Variants in RNF180 observed in about 807,000 individuals in gnomAD.
RNF180 encodes E3 ubiquitin-protein ligase RNF180.
A neutral mutation model predicts 59.2 loss-of-function variants in RNF180; 38 were observed. That is an observed-to-expected ratio of 0.64 (90% confidence interval 0.50 to 0.84). The LOEUF is 0.84. Among genes scored for constraint, RNF180 ranks in the 40% least tolerant of loss-of-function variants. RNF180 has a pLI of 0.00. For synonymous variants in RNF180, 262 were observed against 240.3 expected, an observed-to-expected ratio of 1.09 and a Z score of -0.84; for missense variants, 705 against 700.9, an observed-to-expected ratio of 1.01 and a Z score of -0.07.
intron 2 of RNF180, among the ~76,000 whole-genome samples, chr5:64,211,841 A>C (rs1752327457): frequency 6.6e-6 from 1 of 152,164 alleles, no homozygotes; most frequent in Non-Finnish European, 1.5e-5. Context: ...AATGAGATGG[A>C]AGGGCTTTGT....
chr5:64,240,006 A>G (rs967164690), intron 5 of RNF180, among the ~76,000 whole-genome samples: 3 of 152,278 alleles, frequency 2.0e-5, no homozygotes, highest in African/African-American at 7.2e-5. Flanking sequence ...GGGTTTGAAC[A>G]TATTTTCAGA....
chr5:64,276,371 A>G (rs1356899257), intron 5 of RNF180, among the ~76,000 whole-genome samples: 2 of 111,826 alleles, frequency 1.8e-5, no homozygotes, highest in Non-Finnish European at 1.8e-5. Context: ...CAAAAACCAC[A>G]TTGGTGTGTG....
intron 5 of RNF180, among the ~76,000 whole-genome samples, chr5:64,228,439 G>A (rs1464910089): frequency 1.3e-5 from 2 of 152,208 alleles, no homozygotes; most frequent in South Asian, 2.1e-4. Context: ...GCTTGAGTCC[G>A]GGAGGTTGAG....
At chr5:64,349,752 A>G (rs1745713289) in intron 7 of RNF180, among the ~76,000 whole-genome samples, 1 of 152,080 alleles carries the variant, frequency 6.6e-6, no homozygotes, top group South Asian at 2.1e-4. Context: ...CCATGTCCCT[A>G]CAAAGGACGT....
At chr5:64,251,514 C>G (rs1253617894) in intron 5 of RNF180, among the ~76,000 whole-genome samples, 1 of 152,148 alleles carries the variant, frequency 6.6e-6, no homozygotes, top group Non-Finnish European at 1.5e-5. Flanking sequence ...CCTGAAACTC[C>G]TGGGCTCGAG....
intron 1 of RNF180, among the ~76,000 whole-genome samples, chr5:64,198,707 A>G (rs1277396528): frequency 1.3e-5 from 2 of 152,196 alleles, no homozygotes; most frequent in African/African-American, 4.8e-5. Flanking sequence ...GGAGATGAAG[A>G]TAAAAGAGGC....
intron 5 of RNF180, among the ~76,000 whole-genome samples, chr5:64,306,292 TTGA>T (rs1233852679): frequency 6.6e-6 from 1 of 151,670 alleles, no homozygotes; most frequent in African/African-American, 2.4e-5. Context: ...TATTATACTG[TTGA>T]TGATATCACA....
intron 5 of RNF180, among the ~76,000 whole-genome samples, chr5:64,323,829 T>G (rs1744493251): frequency 6.6e-6 from 1 of 152,188 alleles, no homozygotes; most frequent in African/African-American, 2.4e-5. Context: ...AGTTGTGAGT[T>G]ACAGGAATTC....
intron 7 of RNF180, among the ~76,000 whole-genome samples, chr5:64,342,820 C>G (rs185432219): frequency 6.6e-6 from 1 of 152,146 alleles, no homozygotes; most frequent in African/African-American, 2.4e-5. Context: ...TTCTGCAGTC[C>G]CATTGTGAAC....
At chr5:64,198,974 A>G (rs192643757) in intron 1 of RNF180, among the ~76,000 whole-genome samples, 20 of 152,154 alleles carry the variant, frequency 1.3e-4, no homozygotes, top group African/African-American at 4.8e-4. Flanking sequence ...TTGCCACCAC[A>G]CACGGCTAAA....
intron 5 of RNF180, among the ~76,000 whole-genome samples, chr5:64,254,003 T>C (rs1743765368): frequency 6.6e-6 from 1 of 152,078 alleles, no homozygotes; most frequent in African/African-American, 2.4e-5. Context: ...GACCCTCTCT[T>C]CTCTAACTTC....
intron 1 of RNF180, among the ~76,000 whole-genome samples, chr5:64,187,012 A>G (rs1561174128): frequency 6.6e-6 from 1 of 152,180 alleles, no homozygotes; most frequent in Admixed American, 6.5e-5. Flanking sequence ...TCACTATTTT[A>G]TGAAAGACAG....
At chr5:64,291,854 C>T (rs1424508035) in intron 5 of RNF180, among the ~76,000 whole-genome samples, 1 of 152,008 alleles carries the variant, frequency 6.6e-6, no homozygotes, top group African/African-American at 2.4e-5. Flanking sequence ...TTTCATTCTT[C>T]TCTATTCTTA....
intron 1 of RNF180, among the ~76,000 whole-genome samples, chr5:64,170,178 G>A (rs1036075036): frequency 1.3e-5 from 2 of 152,240 alleles, no homozygotes; most frequent in Non-Finnish European, 2.9e-5. Flanking sequence ...TCTGTTGTTT[G>A]TGGATATATT....
At chr5:64,293,473 C>T (rs1014265194) in intron 5 of RNF180, among the ~76,000 whole-genome samples, 5 of 152,042 alleles carry the variant, frequency 3.3e-5, no homozygotes, top group Admixed American at 1.3e-4. Flanking sequence ...AACACAGCTC[C>T]TGCTTTTCAT....
chr5:64,245,141 A>G (rs1268651391), intron 5 of RNF180, among the ~76,000 whole-genome samples: 1 of 152,210 alleles, frequency 6.6e-6, no homozygotes. Context: ...AAACATACCA[A>G]ATTGTAAAGG....
intron 5 of RNF180, among the ~76,000 whole-genome samples, chr5:64,283,988 G>T (rs193289404): frequency 1.3e-5 from 2 of 152,062 alleles, no homozygotes; most frequent in Admixed American, 6.6e-5. Flanking sequence ...TGTGGTGGCC[G>T]GTAGTTATCT....
At chr5:64,200,982 G>A (rs758589883) in intron 2 of RNF180, 40 bp downstream of exon 2, 1 of 1,577,752 alleles carries the variant, frequency 6.3e-7, no homozygotes, top group Non-Finnish European at 8.7e-7. Context: ...TCCTGGTAGA[G>A]GAGTGCTGTG....
At chr5:64,368,386 A>G (rs1406128908) in intron 7 of RNF180, among the ~76,000 whole-genome samples, 2 of 151,802 alleles carry the variant, frequency 1.3e-5, no homozygotes, top group Non-Finnish European at 2.9e-5. Flanking sequence ...AAATAATTAC[A>G]TTTGATCCCC....
Sources: gnomAD v4.1 joint callset for allele counts (sites outside exome capture counted in the v4.1 genomes callset) on GRCh38, gnomAD v4.1.1 for gene constraint, MANE v1.5 for transcripts, NCBI Gene and HGNC (gene_info 2026-07-23, HGNC 2026-07-21) for gene names.